Variants in PTK2 observed in about 807,000 individuals in gnomAD.
The protein encoded by PTK2 is protein tyrosine kinase 2, also known as focal adhesion kinase 1.
A neutral mutation model predicts 150.1 loss-of-function variants in PTK2; 45 were observed. The ratio of observed to expected loss-of-function variants is 0.30; its 90% CI spans 0.24 to 0.38. PTK2 has a LOEUF of 0.38. PTK2 is among the 10% of genes least tolerant of loss of function. PTK2 has a pLI of 1.00. For missense variants in PTK2, 919 were observed against 1,307.3 expected, an observed-to-expected ratio of 0.70 and a Z score of 4.58; for synonymous variants, 432 against 449.2, an observed-to-expected ratio of 0.96 and a Z score of 0.48.
intron 26 of PTK2, among the ~76,000 whole-genome samples, chr8:140,698,862 G>A (rs1319924380): frequency 2.6e-5 from 4 of 151,310 alleles, no homozygotes; most frequent in African/African-American, 7.3e-5. Flanking sequence ...TGATCAGCCC[G>A]CCTCAGCCTC....
intron 14 of PTK2, chr8:140,770,758 A>G: frequency 7.4e-7 from 1 of 1,356,706 alleles, no homozygotes; most frequent in Non-Finnish European, 9.8e-7. Flanking sequence ...AAAGGGAGAA[A>G]GCGCCTAGCT....
chr8:140,856,392 A>T (rs2100132634), intron 5 of PTK2, among the ~76,000 whole-genome samples: 1 of 152,160 alleles, frequency 6.6e-6, no homozygotes, highest in Non-Finnish European at 1.5e-5. Context: ...AAAACAAAAC[A>T]AAACAAAACA....
chr8:140,697,453 T>TGTGC (rs1302234577), intron 26 of PTK2, among the ~76,000 whole-genome samples: 1 of 150,460 alleles, frequency 6.6e-6, no homozygotes, highest in African/African-American at 2.4e-5. Context: ...TGTGTGTGTG[T>TGTGC]GTTTTTAAAC....
intron 2 of PTK2, among the ~76,000 whole-genome samples, chr8:140,924,458 T>C (rs1026464506): frequency 3.3e-5 from 5 of 152,196 alleles, no homozygotes; most frequent in Non-Finnish European, 7.3e-5. Flanking sequence ...TCTGTACATA[T>C]TGTCTCCAGG....
At chr8:140,674,510 C>T in intron 28 of PTK2, 106 bp from the exon 32 acceptor site, 7 of 965,440 alleles carry the variant, frequency 7.3e-6, no homozygotes, top group East Asian at 2.7e-5. Flanking sequence ...GAGGCTGAAG[C>T]GGGCAGATCA....
chr8:140,808,525 G>C (rs1333731883), intron 10 of PTK2, among the ~76,000 whole-genome samples: 2 of 151,936 alleles, frequency 1.3e-5, no homozygotes, highest in African/African-American at 4.8e-5. Context: ...TCATACGCTT[G>C]GCCATAAAGA....
rs111877791 is a variant in PTK2 at position 140,859,803 on chromosome 8, A to G, written c.450+4509T>C. Among the ~76,000 whole-genome samples the G allele has an allele frequency of 4.2e-3, 507 of 121,360 alleles. 6 individuals are homozygous for G. Among genetic ancestry groups the G allele is most frequent in the African/African-American group, 0.015 (478 of 31,134 alleles). 79.6% of individuals were successfully genotyped at this position (121,360 alleles called of 152,430 possible). A position where few individuals can be genotyped will look rare whatever the true frequency, so the allele number is the denominator to read the frequency against. On this transcript the variant is annotated intron_variant, in intron 5 of 31. Transcript: ENST00000522684. ...TAAATAGCAGAAACCTCTGGATTCC[A>G]AACTGATTTTGCAACTTTGGAATTA... is the stretch of plus-strand genomic sequence containing the variant.
chr8:140,821,379 G>T (rs2100108464), intron 8 of PTK2: 1 of 152,240 alleles, frequency 6.6e-6, no homozygotes, highest in Non-Finnish European at 1.5e-5. Context: ...GTGAAGAAGA[G>T]AAATGGGCAC....
At chr8:140,883,855 T>TTTA (rs2154607187) in intron 3 of PTK2, among the ~76,000 whole-genome samples, 1 of 152,240 alleles carries the variant, frequency 6.6e-6, no homozygotes, top group East Asian at 1.9e-4. Flanking sequence ...TGCATTATCT[T>TTTA]TTAGTTTTGT....
At chr8:140,968,745 G>A (rs192440478) in intron 1 of PTK2, among the ~76,000 whole-genome samples, 5 of 152,294 alleles carry the variant, frequency 3.3e-5, no homozygotes, top group African/African-American at 1.2e-4. Flanking sequence ...TATCATACTT[G>A]AGAAAACTAA....
chr8:140,819,500 G>C (rs555844583), intron 8 of PTK2, among the ~76,000 whole-genome samples: 1 of 152,118 alleles, frequency 6.6e-6, no homozygotes, highest in Non-Finnish European at 1.5e-5. Flanking sequence ...AAAGATTCAG[G>C]AACAAAAAGA....
chr8:140,944,351 A>C (rs1013601529), intron 1 of PTK2, among the ~76,000 whole-genome samples: 1 of 152,216 alleles, frequency 6.6e-6, no homozygotes. Flanking sequence ...GTCACTGGCA[A>C]TTCAGTAGGT....
chr8:140,926,221 T>TGATATTACA (rs1227096711), intron 1 of PTK2, among the ~76,000 whole-genome samples: 2 of 152,242 alleles, frequency 1.3e-5, no homozygotes, highest in Non-Finnish European at 2.9e-5. Context: ...ATAACATAGA[T>TGATATTACA]GATATTACAA....
intron 26 of PTK2, among the ~76,000 whole-genome samples, chr8:140,690,203 C>T (rs1364859824): frequency 3.3e-5 from 5 of 152,168 alleles, no homozygotes; most frequent in South Asian, 4.1e-4. Context: ...CTGCCCGCCT[C>T]GGCCTCCCAA....
At chr8:140,955,917 C>T (rs985791746) in intron 1 of PTK2, among the ~76,000 whole-genome samples, 14 of 152,170 alleles carry the variant, frequency 9.2e-5, no homozygotes, top group African/African-American at 2.7e-4. Flanking sequence ...ACCATGCCTT[C>T]GTGGGACTCC....
intron 23 of PTK2, among the ~76,000 whole-genome samples, chr8:140,712,345 C>G (rs1290512934): frequency 6.6e-6 from 1 of 152,140 alleles, no homozygotes; most frequent in Non-Finnish European, 1.5e-5. Context: ...TTACGATGTT[C>G]TGTTTTGTTG....
chr8:140,732,503 C>T, intron 22 of PTK2: 1 of 518,230 alleles, frequency 1.9e-6, no homozygotes, highest in Non-Finnish European at 3.9e-6. Flanking sequence ...AATTCAGTGC[C>T]TGGGTGACTC....
chr8:140,995,800 T>A, intron 1 of PTK2, among the ~76,000 whole-genome samples: 1 of 151,370 alleles, frequency 6.6e-6, no homozygotes, highest in East Asian at 1.9e-4. Context: ...TAAAATAAAA[T>A]AAAATAAAAA....
intron 10 of PTK2, among the ~76,000 whole-genome samples, chr8:140,805,138 C>CAT (rs1448115221): frequency 6.6e-6 from 1 of 152,190 alleles, no homozygotes; most frequent in East Asian, 1.9e-4. Flanking sequence ...CCCTGGAACT[C>CAT]AGACTCATGC....
Sources: gnomAD v4.1 joint callset for allele counts (sites outside exome capture counted in the v4.1 genomes callset) on GRCh38, gnomAD v4.1.1 for gene constraint, MANE v1.5 for transcripts, NCBI Gene and HGNC (gene_info 2026-07-23, HGNC 2026-07-21) for gene names.